The following MAP3K9 variants were observed in gnomAD, a reference collection of about 807,000 sequenced individuals.
MAP3K9 encodes mixed lineage kinase 1 (tyr and ser/thr specificity).
A neutral mutation model predicts 95.8 loss-of-function variants in MAP3K9; 46 were observed. The observed-to-expected ratio is 0.48, with a 90% CI of 0.38 to 0.61. The LOEUF (loss-of-function observed/expected upper bound fraction) is 0.61, where lower values mean the gene tolerates loss of function less well. Ranked by LOEUF, MAP3K9 falls within the 20% of genes least tolerant of loss-of-function variation. The probability of loss-of-function intolerance (pLI) is 0.00; values close to 1 mark genes in which losing one functional copy is unlikely to be tolerated. For synonymous variants in MAP3K9, 533 were observed against 593.8 expected, an observed-to-expected ratio of 0.90 and a Z score of 1.49; for missense variants, 1,296 against 1,474.3, an observed-to-expected ratio of 0.88 and a Z score of 1.98.
rs1352272811 is a variant in MAP3K9, at chr14:70,809,115, C to A, written c.57G>T (p.Pro19=). The A allele has an allele frequency of 7.2e-7, 1 of 1,381,332 alleles. No individual in the cohort carries two copies. The allele number at this position is 1,381,332 out of a possible 1,614,324, so 85.6% of individuals were successfully genotyped here. The change falls in exon 1 of 12, where the codon CCG becomes CCT. Residue 19 remains proline (P), a synonymous_variant. Coordinates refer to ENST00000554752, the MANE Select transcript of MAP3K9 (RefSeq NM_001284230.2). ...CGGCCCCTGCTCCATCCTCCCCCGG[C>A]GGGGCGGCAGCGGCGGCGCTCGCTA... ...GCLASAAAAA[P]PGEDGAGAGA...
intron 2 of MAP3K9, among the ~76,000 whole-genome samples, chr14:70,781,426 G>A (rs545992198): frequency 6.6e-6 from 1 of 152,296 alleles, no homozygotes; most frequent in East Asian, 1.9e-4. Context: ...TCCCAGGTGA[G>A]GCCCCAGACA....
intron 2 of MAP3K9, among the ~76,000 whole-genome samples, chr14:70,797,179 G>A (rs747637618): frequency 1.1e-4 from 17 of 151,920 alleles, no homozygotes; most frequent in African/African-American, 7.3e-5. Flanking sequence ...CTCTTTTCTC[G>A]AATGGTCAAA....
intron 5 of MAP3K9, among the ~76,000 whole-genome samples, chr14:70,742,965 T>C (rs1261774483): frequency 6.7e-6 from 1 of 150,234 alleles, no homozygotes; most frequent in Non-Finnish European, 1.5e-5. Context: ...TAATCATGTA[T>C]TTATTTACAG....
Position 70,750,034 on chromosome 14 carries a change from CG to C in MAP3K9, c.1048del (p.Arg350GlufsTer6), listed in dbSNP as rs1345197744. The C allele has an allele frequency of 6.2e-7, 1 of 1,614,048 alleles. No individual in the cohort carries two copies. Among genetic ancestry groups the C allele is most frequent in the African/African-American group, 1.3e-5 (1 of 74,898 alleles). ...AGCGACTGCTAAGCCATCAATGCCT[CG>C]AAAGGGCACCTCACCAGTCAGCAAC... ...WELLTGEVPFRGIDGLAVAYG... is the reference protein window; with the variant it reads ...WELLTGEVPFXGIDGLAVAYG... On this transcript the variant is annotated frameshift_variant, in exon 4 of 12. Transcript: ENST00000554752. LOFTEE classifies it high-confidence loss of function.
intron 2 of MAP3K9, chr14:70,783,568 T>G (rs2139830922): frequency 5.4e-6 from 1 of 184,874 alleles, no homozygotes; most frequent in East Asian, 1.9e-4. Flanking sequence ...GCCGGGAGGC[T>G]TCACTCATTG....
At chr14:70,801,634 C>A (rs1376753052) in intron 1 of MAP3K9, among the ~76,000 whole-genome samples, 1 of 152,194 alleles carries the variant, frequency 6.6e-6, no homozygotes, top group Non-Finnish European at 1.5e-5. Context: ...GGCAGACACC[C>A]AACAACCAAA....
Position 70,809,234 on chromosome 14 carries a change from T to G in MAP3K9, c.-63A>C. 1 of 1,280,722 alleles carries G rather than the reference T, an allele frequency of 7.8e-7. No homozygotes were observed. Among genetic ancestry groups the G allele is most frequent in the Non-Finnish European group, 9.8e-7 (1 of 1,020,028 alleles). 79.3% of individuals were successfully genotyped at this position (1,280,722 alleles called of 1,614,324 possible). A position where few individuals can be genotyped will look rare whatever the true frequency, so the allele number is the denominator to read the frequency against. On this transcript the variant is annotated 5_prime_UTR_variant, in exon 1 of 12. Coordinates refer to ENST00000554752, the MANE Select transcript of MAP3K9 (RefSeq NM_001284230.2). Reference sequence around the variant, plus strand: ...CCGCAGGAGCCGCCGCCGCCTATTGTTCATGCGCCTCCGCAGAGCTGGGAG... The same window carrying G: ...CCGCAGGAGCCGCCGCCGCCTATTGGTCATGCGCCTCCGCAGAGCTGGGAG...
intron 10 of MAP3K9, among the ~76,000 whole-genome samples, chr14:70,733,960 G>A (rs560585652): frequency 1.7e-4 from 26 of 152,214 alleles, no homozygotes; most frequent in African/African-American, 5.5e-4. Context: ...GAGGCCTTTC[G>A]GAGGCTCTCA....
intron 1 of MAP3K9, among the ~76,000 whole-genome samples, chr14:70,803,351 A>C (rs1433627238): frequency 2.0e-5 from 3 of 151,414 alleles, no homozygotes; most frequent in African/African-American, 7.3e-5. Flanking sequence ...AAAAAAAAAA[A>C]AAAAAAAAAA....
chr14:70,766,386 GTTATTA>G (rs945268088), intron 2 of MAP3K9, among the ~76,000 whole-genome samples: 24 of 152,114 alleles, frequency 1.6e-4, no homozygotes, highest in Non-Finnish European at 5.9e-5. Context: ...GAGCACTATA[GTTATTA>G]TTATAATTAG....
At position 70,809,457 on chromosome 14, in the gene MAP3K9, A is replaced by C. The variant is rs36278; in HGVS notation, c.-286T>G. On this transcript the variant is annotated 5_prime_UTR_variant, in exon 1 of 12. Transcript: ENST00000554752. ...CGGCCTCGTCACCTCTGCCGCCGGT[A>C]CCTGCTCGCGCAGCCGGTGCCCGCC... is the stretch of plus-strand genomic sequence containing the variant. The C allele has an allele frequency of 4.3e-6, 1 of 234,566 alleles. No homozygotes were observed. Among genetic ancestry groups the C allele is most frequent in the Non-Finnish European group, 8.2e-6 (1 of 122,164 alleles). The allele number at this position is 234,566 out of a possible 1,614,324, so 14.5% of individuals were successfully genotyped here.
rs913560420 is a variant in MAP3K9 at position 70,723,973 on chromosome 14, T to C, written c.*6407A>G. ...AGGATGAGGAGGGTGGTGGAAACGA[T>C]ACTAGCAGAGGGTGTGATGGGCCAA... is the stretch of plus-strand genomic sequence containing the variant. On this transcript the variant is annotated 3_prime_UTR_variant, in exon 12 of 12. Coordinates refer to ENST00000554752, the MANE Select transcript of MAP3K9 (RefSeq NM_001284230.2). 2.6e-5 allele frequency: 4 copies of C among 152,276 alleles called. No individual in the cohort carries two copies. Among genetic ancestry groups the C allele is most frequent in the Middle Eastern group, 3.4e-3 (1 of 294 alleles). 9.4% of individuals were successfully genotyped at this position (152,276 alleles called of 1,614,324 possible).
rs775077586 is a variant in MAP3K9 at position 70,761,197 on chromosome 14, G to A, written c.821-15C>T. The A allele has an allele frequency of 3.1e-6, 5 of 1,587,520 alleles. No homozygotes were observed. The highest frequency in any genetic ancestry group is 4.3e-6 in the Non-Finnish European group (5 of 1,163,966). On this transcript the variant is annotated splice_polypyrimidine_tract_variant and intron_variant, in intron 2 of 11. Coordinates refer to ENST00000554752, the MANE Select transcript of MAP3K9 (RefSeq NM_001284230.2). ...GAGGATCAATACTAGGCAAGGAAAAGAATACAGAAGAAACCAGAGTCTGCA... is the reference window on the plus strand; with the variant it reads ...GAGGATCAATACTAGGCAAGGAAAAAAATACAGAAGAAACCAGAGTCTGCA...
chr14:70,808,735 C>G lies in MAP3K9; in HGVS notation c.406+31G>C, dbSNP rs1261792291. 13 of 1,431,334 alleles carry G rather than the reference C, an allele frequency of 9.1e-6. No individual in the cohort carries two copies. The Admixed American group carries it at 1.2e-4, about 13-fold the overall frequency. The allele number at this position is 1,431,334 out of a possible 1,614,324, so 88.7% of individuals were successfully genotyped here. ...CCGCCCCCCAGGCCTCCGTCATTCC[C>G]CCTCCCCGCCCGGCCCCGCCTTCGC... On this transcript the variant is annotated intron_variant, in intron 1 of 11. Coordinates refer to ENST00000554752, the MANE Select transcript of MAP3K9 (RefSeq NM_001284230.2).
chr14:70,780,199 T>A (rs2054655704), intron 2 of MAP3K9, among the ~76,000 whole-genome samples: 1 of 152,202 alleles, frequency 6.6e-6, no homozygotes, highest in African/African-American at 2.4e-5. Context: ...GGCTTCCTCA[T>A]AATGTGCCCA....
Position 70,809,062 on chromosome 14 carries a change from T to A in MAP3K9, c.110A>T (p.Glu37Val). 1 of 1,337,292 alleles carries A rather than the reference T, an allele frequency of 7.5e-7. No individual in the cohort carries two copies. The highest frequency in any genetic ancestry group is 2.9e-5 in the East Asian group (1 of 33,938). The allele number at this position is 1,337,292 out of a possible 1,614,324, so 82.8% of individuals were successfully genotyped here. A position where few individuals can be genotyped will look rare whatever the true frequency, so the allele number is the denominator to read the frequency against. Reference sequence around the variant, plus strand: ...GGGGCCCACCGCCGCCGCCGCCTCCTCCTCCTCCTCCTCCTCCTCCTCGGC... The same window carrying A: ...GGGGCCCACCGCCGCCGCCGCCTCCACCTCCTCCTCCTCCTCCTCCTCGGC... The part of the protein sequence containing the change: ...AGAEEEEEEE[E>V]EAAAAVGPGE... The change falls in exon 1 of 12, where the codon GAG becomes GTG. Residue 37 changes from glutamate to valine, a missense_variant. Physicochemically the swap from Glu to Val is moderately radical, Grantham distance 121. Transcript: ENST00000554752.
At chr14:70,753,600 C>G (rs910859333) in intron 3 of MAP3K9, among the ~76,000 whole-genome samples, 6 of 152,074 alleles carry the variant, frequency 3.9e-5, no homozygotes, top group Admixed American at 3.9e-4. Flanking sequence ...GTCAACAAGT[C>G]CTTTGATGAC....
chr14:70,732,388 C>T (rs1355433291), intron 11 of MAP3K9, 151 bp downstream of exon 11: 1 of 1,246,634 alleles, frequency 8.0e-7, no homozygotes, highest in Admixed American at 3.5e-5. Context: ...TGGCTGCCTC[C>T]CTGATCCCAG....
rs1016838149 is a variant in MAP3K9, at chr14:70,724,965, A to G, written c.*5415T>C. On this transcript the variant is annotated 3_prime_UTR_variant, in exon 12 of 12. Transcript: ENST00000554752. ...ACACCTGTCATGTCCACATCTGCCA[A>G]TCAGCCTAGTAAAACTAGGTGATGA... is the stretch of plus-strand genomic sequence containing the variant. The G allele has an allele frequency of 6.6e-6, 1 of 152,254 alleles. No homozygotes were observed. Among genetic ancestry groups the G allele is most frequent in the Non-Finnish European group, 1.5e-5 (1 of 68,056 alleles). The allele number at this position is 152,254 out of a possible 1,614,324, so 9.4% of individuals were successfully genotyped here.
Sources: gnomAD v4.1 joint callset for allele counts (sites outside exome capture counted in the v4.1 genomes callset) on GRCh38, gnomAD v4.1.1 for gene constraint, MANE v1.5 for transcripts, NCBI Gene and HGNC (gene_info 2026-07-23, HGNC 2026-07-21) for gene names.